LRCH3: variants seen among roughly 807,000 people sequenced by gnomAD.
The protein encoded by LRCH3 is DISP complex protein LRCH3.
Under a neutral mutation model 104.5 loss-of-function variants are expected in LRCH3, and 68 were observed. That is an observed-to-expected ratio of 0.65 (90% CI 0.54 to 0.80). LRCH3 has a LOEUF of 0.80. Among genes scored for constraint, LRCH3 ranks in the 30% least tolerant of loss-of-function variants. The pLI, the probability that LRCH3 is intolerant of heterozygous loss-of-function variation, is 0.00. For synonymous variants in LRCH3, 344 were observed against 361.3 expected (o/e 0.95, Z 0.54); for missense variants, 951 against 953.9 (o/e 1.00, Z 0.04).
intron 20 of LRCH3, chr3:197,881,937 T>G (rs1560067149): frequency 2.0e-6 from 2 of 985,348 alleles, no homozygotes; most frequent in Admixed American, 6.2e-5. Context: ...CTGTTCACTA[T>G]TAATGCTGAA....
intron 15 of LRCH3, among the ~76,000 whole-genome samples, chr3:197,859,963 A>G (rs1740690000): frequency 6.6e-6 from 1 of 152,164 alleles, no homozygotes; most frequent in African/African-American, 2.4e-5. Flanking sequence ...CTAGAAATAC[A>G]TCCCTCGTTA....
At chr3:197,874,625 A>G (rs889773592) in intron 19 of LRCH3, among the ~76,000 whole-genome samples, 1 of 152,218 alleles carries the variant, frequency 6.6e-6, no homozygotes, top group Non-Finnish European at 1.5e-5. Context: ...GTCCATGGAA[A>G]AATTGTCTTC....
intron 1 of LRCH3, among the ~76,000 whole-genome samples, chr3:197,797,292 G>T (rs1188660393): frequency 8.0e-6 from 1 of 124,990 alleles, no homozygotes; most frequent in Non-Finnish European, 1.6e-5. Flanking sequence ...TCACGCCATT[G>T]CACTCCAGAC....
intron 15 of LRCH3, among the ~76,000 whole-genome samples, chr3:197,863,305 C>T (rs192967089): frequency 8.9e-4 from 135 of 152,190 alleles, no homozygotes; most frequent in Middle Eastern, 3.4e-3. Flanking sequence ...CTCTGTTGCC[C>T]AGGCTGGAAT....
chr3:197,854,542 A>G lies in LRCH3; in HGVS notation c.1644+97A>G, dbSNP rs1318780913. The stretch of plus-strand genomic sequence containing the variant: ...CTAAATACCATAAAACATGATGAAC[A>G]TCATTACTAAATGCTTTATGAAGAA... On this transcript the variant is annotated intron_variant, in intron 14 of 20. Transcript: ENST00000425562. The surrounding 1 kb of genome is among the most constrained non-coding windows in gnomAD (Gnocchi z 4.5). 2 of 1,135,288 alleles carry G rather than the reference A, an allele frequency of 1.8e-6. No individual in the cohort carries two copies. Among genetic ancestry groups the G allele is most frequent in the Non-Finnish European group, 2.7e-6 (2 of 749,440 alleles). 70.3% of individuals were successfully genotyped at this position (1,135,288 alleles called of 1,614,324 possible).
intron 4 of LRCH3, among the ~76,000 whole-genome samples, chr3:197,825,589 C>T (rs1032235532): frequency 2.0e-5 from 3 of 146,604 alleles, no homozygotes; most frequent in African/African-American, 7.6e-5. Flanking sequence ...ACGCCATTCT[C>T]CTGTCTCAGC....
intron 11 of LRCH3, 151 bp downstream of exon 11, chr3:197,847,611 C>A (rs1738924804): frequency 8.7e-6 from 2 of 230,398 alleles, no homozygotes; most frequent in Non-Finnish European, 1.2e-5. Flanking sequence ...GTGATACTTG[C>A]TAACAGTGTT....
rs1427775147 is a variant in LRCH3, at chr3:197,810,392, A to AT, written c.263-4514dup. ...GGTCTCGAACTGCTGACCTTAGGTG[A>AT]TTCACCAGCCTCTGCCTCTGGAAGT... On this transcript the variant is annotated intron_variant, in intron 1 of 20. Transcript: ENST00000425562. This position sits in a 1 kb window ranked among gnomAD's most constrained non-coding sequence, Gnocchi z 4.0. 6.6e-6 allele frequency among the ~76,000 whole-genome samples: 1 copy of AT among 152,096 alleles called. No homozygotes were observed. The highest frequency in any genetic ancestry group is 1.5e-5 in the Non-Finnish European group (1 of 68,010).
At chr3:197,799,446 T>G (rs898579591) in intron 1 of LRCH3, among the ~76,000 whole-genome samples, 3 of 152,230 alleles carry the variant, frequency 2.0e-5, no homozygotes, top group African/African-American at 7.2e-5. Flanking sequence ...CTTATTCACT[T>G]TTAACTTTCT....
At chr3:197,794,301 A>G (rs1443365238) in intron 1 of LRCH3, among the ~76,000 whole-genome samples, 2 of 152,216 alleles carry the variant, frequency 1.3e-5, no homozygotes, top group Non-Finnish European at 2.9e-5. Context: ...GTTTTTACAG[A>G]TGGTGGAAAC....
chr3:197,838,024 C>T (rs778477276), intron 9 of LRCH3, among the ~76,000 whole-genome samples: 2 of 151,836 alleles, frequency 1.3e-5, no homozygotes, highest in East Asian at 3.9e-4. Flanking sequence ...TGTGCTACTG[C>T]ACTCCAGCCT....
chr3:197,888,339 A>C lies in LRCH3; in HGVS notation c.*4673A>C, dbSNP rs556609947. The C allele has an allele frequency of 1.9e-4, 29 of 152,358 alleles. No homozygotes were observed. Among genetic ancestry groups the C allele is most frequent in the African/African-American group, 6.5e-4 (27 of 41,586 alleles). 9.4% of individuals were successfully genotyped at this position (152,358 alleles called of 1,614,324 possible). ...TATATTGCATAAGTTCTAAGTATAA[A>C]TATGTCAGTATCATGTATGTTATTT... On this transcript the variant is annotated 3_prime_UTR_variant, in exon 21 of 21. Transcript: ENST00000425562.
intron 1 of LRCH3, among the ~76,000 whole-genome samples, chr3:197,809,258 A>G (rs897986946): frequency 2.6e-5 from 4 of 151,856 alleles, no homozygotes; most frequent in Non-Finnish European, 5.9e-5. Context: ...TGATTGTGCC[A>G]CTGCACTCCA....
intron 1 of LRCH3, among the ~76,000 whole-genome samples, chr3:197,813,108 C>T (rs946048105): frequency 1.3e-5 from 2 of 152,004 alleles, no homozygotes; most frequent in East Asian, 1.9e-4. Flanking sequence ...TCTTTGAGTA[C>T]GTAGTGGCTG....
At chr3:197,799,096 A>G (rs1034299319) in intron 1 of LRCH3, among the ~76,000 whole-genome samples, 1 of 152,194 alleles carries the variant, frequency 6.6e-6, no homozygotes, top group Non-Finnish European at 1.5e-5. Flanking sequence ...ATAGAGGACC[A>G]CTGAACCAGT....
chr3:197,833,061 C>T (rs1456031159), intron 8 of LRCH3, among the ~76,000 whole-genome samples: 1 of 152,042 alleles, frequency 6.6e-6, no homozygotes, highest in Non-Finnish European at 1.5e-5. Context: ...AGATTCTTTA[C>T]TCCTGTCGTT....
intron 7 of LRCH3, 34 bp downstream of exon 7, chr3:197,830,897 C>G: frequency 6.8e-7 from 1 of 1,465,794 alleles, no homozygotes. Flanking sequence ...TGTTATAACA[C>G]CTGATTAAGA....
intron 15 of LRCH3, among the ~76,000 whole-genome samples, chr3:197,862,591 G>A (rs1741011389): frequency 6.6e-6 from 1 of 151,682 alleles, no homozygotes; most frequent in Non-Finnish European, 1.5e-5. Flanking sequence ...TTCTCTTTTT[G>A]TATTATTGGT....
At chr3:197,832,972 A>G (rs187217908) in intron 8 of LRCH3, among the ~76,000 whole-genome samples, 2 of 152,246 alleles carry the variant, frequency 1.3e-5, no homozygotes, top group Admixed American at 6.5e-5. Context: ...CCAGAAACCT[A>G]TTGCTTATCC....
Sources: gnomAD v4.1 joint callset for allele counts (sites outside exome capture counted in the v4.1 genomes callset) on GRCh38, gnomAD v4.1.1 for gene constraint, Gnocchi (gnomAD v3.1) non-coding constraint, MANE v1.5 for transcripts, NCBI Gene and HGNC (gene_info 2026-07-23, HGNC 2026-07-21) for gene names.